Variants in FHIP2B observed in about 807,000 individuals in gnomAD.
FHIP2B encodes the protein FHF complex subunit HOOK interacting protein 2B.
FHIP2B carries 72 observed loss-of-function variants against 84.0 expected under a neutral mutation model. That is an observed-to-expected ratio of 0.86 (90% CI 0.71 to 1.04). The LOEUF (loss-of-function observed/expected upper bound fraction) is 1.04. Among genes scored for constraint, FHIP2B ranks in the 50% least tolerant of loss-of-function variants. FHIP2B has a pLI of 0.00. For synonymous variants in FHIP2B, 497 were observed against 418.7 expected (o/e 1.19, Z -2.28); for missense variants, 972 against 968.9 (o/e 1.00, Z -0.04).
At chr8:22,097,440 C>A (rs1459945636) in intron 3 of FHIP2B, 76 bp from the exon 4 acceptor site, 1 of 1,308,336 alleles carries the variant, frequency 7.6e-7, no homozygotes, top group East Asian at 2.6e-5. Context: ...GGCGCTCTGT[C>A]CCTGGCCTCA....
Position 22,102,315 on chromosome 8 carries a change from G to C in FHIP2B, c.1992G>C (p.Arg664Ser), listed in dbSNP as rs1826167781. The C allele has an allele frequency of 6.2e-7, 1 of 1,612,272 alleles. No individual in the cohort carries two copies. The highest frequency in any genetic ancestry group is 8.5e-7 in the Non-Finnish European group (1 of 1,179,826). The change falls in exon 15 of 17, where the codon AGG becomes AGC. Residue 664 changes from arginine to serine, a missense_variant and splice_region_variant. By Grantham distance (110) the Arg-to-Ser change is moderately radical. Transcript: ENST00000289921. ...GCRSLFSVLV[R>S]VIGDLMQRIQ... ...GGAGCCTATTCTCCGTGTTGGTGAG[G>C]GTGAGGACGCCTCGGCCCAAGGGAG...
chr8:22,092,501 G>A (rs2131684486), intron 1 of FHIP2B, among the ~76,000 whole-genome samples: 1 of 151,044 alleles, frequency 6.6e-6, no homozygotes, highest in Non-Finnish European at 1.5e-5. Flanking sequence ...TTGAACCCAG[G>A]AAGCGGAGGT....
Position 22,101,520 on chromosome 8 carries a change from C to T in FHIP2B, c.1697C>T (p.Ala566Val). 1 of 1,611,656 alleles carries T rather than the reference C, an allele frequency of 6.2e-7. No individual in the cohort carries two copies. The highest frequency in any genetic ancestry group is 1.1e-5 in the South Asian group (1 of 90,796). Residue 566 changes from alanine (A) to valine (V), a missense_variant, in exon 13 of 17, where the codon GCT (alanine) becomes GTT (valine). Coordinates refer to ENST00000289921, the MANE Select transcript of FHIP2B (RefSeq NM_022749.7). ...GGCTATGACACATACGTCCACGATG[C>T]TTATGGCCTGGTGAGTGGCTCCTGC... ...ETGYDTYVHD[A>V]YGLFQECSSR... is the part of the protein sequence containing the mutation.
At chr8:22,097,139 A>G (rs1825814689) in intron 3 of FHIP2B, 2 of 298,414 alleles carry the variant, frequency 6.7e-6, no homozygotes, top group Non-Finnish European at 1.3e-5. Flanking sequence ...GAGCACAGTG[A>G]TGCAGGAAAA....
intron 1 of FHIP2B, among the ~76,000 whole-genome samples, chr8:22,093,828 G>A (rs1825626978): frequency 1.4e-5 from 2 of 141,612 alleles, no homozygotes; most frequent in African/African-American, 2.6e-5. Flanking sequence ...GGTGATCCTC[G>A]CACCCCAGCC....
chr8:22,089,975 C>T (rs543552644), intron 1 of FHIP2B: 207 of 536,834 alleles, frequency 3.9e-4, no homozygotes, highest in African/African-American at 3.8e-3. Context: ...ACATGCCGCC[C>T]GTGGTGGGGC....
chr8:22,095,803 T>C (rs1825735911), intron 2 of FHIP2B: 1 of 152,312 alleles, frequency 6.6e-6, no homozygotes, highest in Non-Finnish European at 1.5e-5. Flanking sequence ...GTCAGGGCGT[T>C]GGTACAGGGA....
Position 22,098,464 on chromosome 8 carries a change from C to T in FHIP2B, c.810C>T (p.Leu270=), listed in dbSNP as rs1825915799. 6.2e-7 allele frequency: 1 copy of T among 1,609,854 alleles called. No homozygotes were observed. The highest frequency in any genetic ancestry group is 1.3e-5 in the African/African-American group (1 of 74,818). Residue 270 remains leucine, a synonymous_variant, in exon 7 of 17, where the codon CTC becomes CTT. Transcript: ENST00000289921. ...TGAAGGCCCAGGAGAACCTGCTGCT[C>T]CTGGTGAGCATGGCCTCCCCAGCAG... ...VALKAQENLL[L]LVSMASPAAA...
At chr8:22,099,972 T>G (rs576724262) in intron 10 of FHIP2B, 79 bp downstream of exon 10, 1 of 1,422,634 alleles carries the variant, frequency 7.0e-7, no homozygotes, top group African/African-American at 1.5e-5. Flanking sequence ...CCCATTTCAT[T>G]AGTGTTCCCA....
At chr8:22,100,555 G>T in intron 10 of FHIP2B, 39 bp from the exon 11 acceptor site, 1 of 1,494,358 alleles carries the variant, frequency 6.7e-7, no homozygotes, top group East Asian at 2.4e-5. Context: ...GGAGCTGGGT[G>T]GGGAAGGGGC....
intron 1 of FHIP2B, among the ~76,000 whole-genome samples, chr8:22,092,653 G>A (rs1265419122): frequency 6.7e-6 from 1 of 149,760 alleles, no homozygotes; most frequent in African/African-American, 2.5e-5. Flanking sequence ...AAATGACTGA[G>A]ACTTCTTGGC....
intron 1 of FHIP2B, among the ~76,000 whole-genome samples, chr8:22,090,016 A>G (rs909256248): frequency 2.0e-5 from 3 of 151,836 alleles, no homozygotes; most frequent in African/African-American, 2.4e-5. Context: ...AGGAGAGTCC[A>G]TTGATGTTTC....
intron 1 of FHIP2B, among the ~76,000 whole-genome samples, chr8:22,093,933 G>A (rs1337463225): frequency 6.6e-6 from 1 of 151,860 alleles, no homozygotes; most frequent in Non-Finnish European, 1.5e-5. Flanking sequence ...GCCGAGGCTG[G>A]TTTAAACTCC....
In FHIP2B at chr8:22,097,523, C is replaced by A. The variant is rs190462850; in HGVS notation, c.305C>A (p.Pro102Gln). 2 of 1,604,194 alleles carry A rather than the reference C, an allele frequency of 1.2e-6. No individual in the cohort carries two copies. Among genetic ancestry groups the A allele is most frequent in the Non-Finnish European group, 1.7e-6 (2 of 1,176,036 alleles). The part of the protein sequence containing the change: ...LCTLGKAEYP[P>Q]GMRQQVFQFF... ...CTCTGTCCCTGGCCTCAGTACCCCC[C>A]AGGCATGCGGCAGCAGGTGTTCCAG... The change falls in exon 4 of 17, where the codon CCA becomes CAA. Residue 102 changes from proline (P) to glutamine (Q), a missense_variant. By Grantham distance (76) the Pro-to-Gln change is moderately conservative. Transcript: ENST00000289921.
intron 2 of FHIP2B, 197 bp downstream of exon 2, chr8:22,094,715 T>C (rs1456): frequency 0.42 from 584,827 of 1,391,524 alleles, 124,359 homozygotes; most frequent in Middle Eastern, 0.59. Flanking sequence ...ATGATTTAGC[T>C]GCCGGTCCCA....
In FHIP2B at chr8:22,102,869, G is replaced by A. The variant is rs758721108; in HGVS notation, c.2170G>A (p.Val724Ile). Residue 724 changes from valine to isoleucine, a missense_variant, in exon 17 of 17, where the codon GTC (valine) becomes ATC (isoleucine). Physicochemically the swap from Val to Ile is conservative, Grantham distance 29 (BLOSUM62 3). Transcript: ENST00000289921. ...FCKELAAIAF[V>I]KFPPHDPRQN... ...CAAGGAGCTGGCTGCCATTGCCTTC[G>A]TCAAGTTTCCCCCACATGATCCTCG... 2.0e-5 allele frequency: 33 copies of A among 1,613,618 alleles called. No individual in the cohort carries two copies. The highest frequency in any genetic ancestry group is 3.3e-5 in the South Asian group (3 of 91,088).
chr8:22,099,660 T>A, intron 9 of FHIP2B, 44 bp from the exon 10 acceptor site: 1 of 1,527,330 alleles, frequency 6.5e-7, no homozygotes, highest in South Asian at 1.3e-5. Flanking sequence ...ACTCATGTGC[T>A]GTCTGCACAC....
In FHIP2B at chr8:22,104,713, A is replaced by G. The variant is rs1826300513; in HGVS notation, c.*1782A>G. The stretch of plus-strand genomic sequence containing the variant: ...TGGGTGTGTTTATGCTGCGTGTTGT[A>G]TGCCTGTTTTAGTCATAAAGTAGGC... On this transcript the variant is annotated 3_prime_UTR_variant, in exon 17 of 17. Coordinates refer to ENST00000289921, the MANE Select transcript of FHIP2B (RefSeq NM_022749.7). The G allele has an allele frequency of 1.3e-5, 2 of 151,834 alleles. No individual in the cohort carries two copies. Among genetic ancestry groups the G allele is most frequent in the Admixed American group, 6.6e-5 (1 of 15,190 alleles). The allele number at this position is 151,834 out of a possible 1,614,324, so 9.4% of individuals were successfully genotyped here.
chr8:22,098,323 G>C lies in FHIP2B; in HGVS notation c.768+13G>C. The C allele has an allele frequency of 6.9e-7, 1 of 1,446,602 alleles. No homozygotes were observed. The allele number at this position is 1,446,602 out of a possible 1,614,324, so 89.6% of individuals were successfully genotyped here. On this transcript the variant is annotated intron_variant, in intron 6 of 16. Transcript: ENST00000289921. Reference sequence around the variant, plus strand: ...GTGCCAGAGCAAGGTGCTGGCAGCAGAGATGGAGAGGTTGGGGGTGGGGGA... The same window carrying C: ...GTGCCAGAGCAAGGTGCTGGCAGCACAGATGGAGAGGTTGGGGGTGGGGGA...
Sources: allele counts gnomAD v4.1 joint callset (sites outside exome capture counted in the v4.1 genomes callset), GRCh38; gene constraint gnomAD v4.1.1; transcripts MANE v1.5; gene names NCBI Gene and HGNC (gene_info 2026-07-23, HGNC 2026-07-21).